Variants in STK33 observed in about 807,000 individuals in gnomAD.
The protein encoded by STK33 is serine/threonine kinase 33, also known as serine/threonine-protein kinase 33.
STK33 carries 52 observed loss-of-function variants against 58.0 expected under a neutral mutation model. That is an observed-to-expected ratio of 0.90 (90% CI 0.72 to 1.13). The LOEUF is 1.13. Ranked by LOEUF, STK33 falls within the 50% of genes most tolerant of loss-of-function variation. The pLI is 0.00. For synonymous variants in STK33, 215 were observed against 200.1 expected, an observed-to-expected ratio of 1.07 and a Z score of -0.63; for missense variants, 630 against 604.2, an observed-to-expected ratio of 1.04 and a Z score of -0.45.
At chr11:8,437,974 A>T (rs996825995) in intron 12 of STK33, among the ~76,000 whole-genome samples, 5 of 152,218 alleles carry the variant, frequency 3.3e-5, no homozygotes, top group Non-Finnish European at 4.4e-5. Context: ...GCTATGGAAA[A>T]CAAAATAGCC....
intron 11 of STK33, among the ~76,000 whole-genome samples, chr11:8,451,302 T>A (rs569668291): frequency 1.3e-5 from 2 of 152,192 alleles, no homozygotes; most frequent in Non-Finnish European, 2.9e-5. Context: ...AGCAGCATTA[T>A]TCATAATAGC....
intron 14 of STK33, among the ~76,000 whole-genome samples, chr11:8,419,897 G>A (rs1941668206): frequency 6.6e-6 from 1 of 152,112 alleles, no homozygotes; most frequent in Admixed American, 6.6e-5. Context: ...AGAATGAGAG[G>A]AGAAAGCAAG....
chr11:8,533,738 G>C (rs12794463), intron 1 of STK33, among the ~76,000 whole-genome samples: 21,127 of 152,152 alleles, frequency 0.14, 1,814 homozygotes, highest in South Asian at 0.29. Context: ...CCAAGAATTT[G>C]ATATGTAAAA....
intron 1 of STK33, among the ~76,000 whole-genome samples, chr11:8,488,119 G>A (rs1950316898): frequency 6.6e-6 from 1 of 152,126 alleles, no homozygotes; most frequent in African/African-American, 2.4e-5. Flanking sequence ...GTGGTTCCCT[G>A]GAATAACCCA....
chr11:8,543,281 A>G (rs920235920), intron 1 of STK33, among the ~76,000 whole-genome samples: 5 of 152,254 alleles, frequency 3.3e-5, no homozygotes, highest in African/African-American at 4.8e-5. Context: ...TCAGTGATTA[A>G]GAGCTCAAAA....
the STK33 span, among the ~76,000 whole-genome samples, chr11:8,361,311 C>T: frequency 1.3e-5 from 2 of 152,164 alleles, no homozygotes; most frequent in African/African-American, 4.8e-5. The surrounding 1 kb of genome is among the most constrained non-coding windows in gnomAD (Gnocchi z 4.8). Flanking sequence ...CCGCCTGAGC[C>T]TCCCTCCTGG....
the STK33 span, among the ~76,000 whole-genome samples, chr11:8,346,198 A>T: frequency 6.6e-6 from 1 of 152,224 alleles, no homozygotes; most frequent in Non-Finnish European, 1.5e-5. Flanking sequence ...AAAAGGAGTT[A>T]TGTGTGGCAG....
intron 2 of STK33, among the ~76,000 whole-genome samples, chr11:8,478,251 T>C (rs778479867): frequency 2.6e-4 from 39 of 152,170 alleles, no homozygotes; most frequent in Non-Finnish European, 5.0e-4. Flanking sequence ...TTAATAGCTC[T>C]TTTTCTATAG....
At chr11:8,470,353 C>T (rs1948659549) in intron 6 of STK33, among the ~76,000 whole-genome samples, 1 of 152,198 alleles carries the variant, frequency 6.6e-6, no homozygotes, top group African/African-American at 2.4e-5. Flanking sequence ...TCACTTCTCT[C>T]CCCTTCACAA....
chr11:8,512,321 G>A (rs149782355), intron 1 of STK33, among the ~76,000 whole-genome samples: 142 of 120,898 alleles, frequency 1.2e-3, no homozygotes, highest in African/African-American at 4.8e-3. Flanking sequence ...TGTGGAAATA[G>A]AGGGTAGATA....
At position 8,510,203 on chromosome 11, in the gene STK33, GGA is replaced by G. The variant is rs573344870; in HGVS notation, c.-465-29591_-465-29590del. ...CTTTTTAATTATGGGCATTCTTGCAGGAGTAAGGTATCTCATTGTGGTTTTAA... is the reference window on the plus strand; with the variant it reads ...CTTTTTAATTATGGGCATTCTTGCAGGTAAGGTATCTCATTGTGGTTTTAA... On this transcript the variant is annotated intron_variant, in intron 1 of 15. Coordinates refer to ENST00000687296, the MANE Select transcript of STK33 (RefSeq NM_001352389.2). Among the ~76,000 whole-genome samples, 314 of 152,270 alleles carry G rather than the reference GGA, an allele frequency of 2.1e-3. 4 individuals are homozygous for G. Among genetic ancestry groups the G allele is most frequent in the African/African-American group, 7.3e-3 (303 of 41,566 alleles).
At chr11:8,468,424 C>T (rs1948436683) in intron 6 of STK33, among the ~76,000 whole-genome samples, 1 of 152,168 alleles carries the variant, frequency 6.6e-6, no homozygotes, top group South Asian at 2.1e-4. Flanking sequence ...TTTTCTAATG[C>T]TTACATTCCC....
intron 12 of STK33, among the ~76,000 whole-genome samples, chr11:8,439,869 T>TATATATATATATATATA (rs1554930119): frequency 3.7e-5 from 4 of 107,258 alleles, no homozygotes; most frequent in South Asian, 7.2e-4. Context: ...TATATTATAA[T>TATATATATATATATATA]TATATATATA....
chr11:8,442,911 C>G (rs557381500), intron 11 of STK33, among the ~76,000 whole-genome samples: 8 of 151,982 alleles, frequency 5.3e-5, no homozygotes, highest in Non-Finnish European at 1.2e-4. Flanking sequence ...TCTAGATATG[C>G]AAAACTGAGC....
intron 1 of STK33, among the ~76,000 whole-genome samples, chr11:8,590,740 A>G (rs887435402): frequency 6.6e-6 from 1 of 152,228 alleles, no homozygotes; most frequent in African/African-American, 2.4e-5. Flanking sequence ...AAGCTTAAAA[A>G]TAAGATGCCC....
the STK33 span, among the ~76,000 whole-genome samples, chr11:8,368,513 C>A: frequency 6.6e-6 from 1 of 152,244 alleles, no homozygotes; most frequent in East Asian, 1.9e-4. Flanking sequence ...CCTGTCGCCT[C>A]TCCCCTGGGC....
intron 11 of STK33, among the ~76,000 whole-genome samples, chr11:8,442,843 C>G (rs958720836): frequency 6.6e-6 from 1 of 151,994 alleles, no homozygotes; most frequent in African/African-American, 2.4e-5. Context: ...TGATGTAAGA[C>G]AAAAGAAGAA....
At chr11:8,479,548 G>A (rs1161870942) in intron 2 of STK33, among the ~76,000 whole-genome samples, 3 of 151,860 alleles carry the variant, frequency 2.0e-5, no homozygotes, top group Non-Finnish European at 4.4e-5. Flanking sequence ...TCCATTATAA[G>A]CAACCAGAAG....
intron 1 of STK33, among the ~76,000 whole-genome samples, chr11:8,572,282 T>C (rs1198031169): frequency 2.6e-5 from 4 of 152,056 alleles, no homozygotes. Context: ...AGATAAATTA[T>C]CCCTAGACTA....
Sources: gnomAD v4.1 joint callset for allele counts (sites outside exome capture counted in the v4.1 genomes callset) on GRCh38, gnomAD v4.1.1 for gene constraint, Gnocchi (gnomAD v3.1) non-coding constraint, MANE v1.5 for transcripts, NCBI Gene and HGNC (gene_info 2026-07-23, HGNC 2026-07-21) for gene names.